Variants in CHST1 observed in about 807,000 individuals in gnomAD.
The protein encoded by CHST1 is Keratan sulfotransferase.
CHST1 carries 10 observed loss-of-function variants against 22.5 expected under a neutral mutation model. The observed-to-expected ratio is 0.44, with a 90% CI of 0.27 to 0.75. The LOEUF is 0.75. Ranked by LOEUF, CHST1 falls within the 30% of genes least tolerant of loss-of-function variation. The pLI is 0.15. For synonymous variants in CHST1, 267 were observed against 264.5 expected (o/e 1.01, Z -0.09); for missense variants, 439 against 576.1 (o/e 0.76, Z 2.44).
intron 3 of CHST1, chr11:45,651,720 C>G (rs1327347604): frequency 6.6e-6 from 1 of 152,288 alleles, no homozygotes; most frequent in Admixed American, 6.5e-5. Context: ...GTGACATAAT[C>G]CCCACTGACA....
At position 45,650,783 on chromosome 11, in the gene CHST1, G is replaced by C; in HGVS notation, c.141C>G (p.Cys47Trp). 6.2e-7 allele frequency: 1 copy of C among 1,613,828 alleles called. No individual in the cohort carries two copies. Among genetic ancestry groups the C allele is most frequent in the Non-Finnish European group, 8.5e-7 (1 of 1,179,880 alleles). ...LAEAGLAERL[C>W]EESPTFAYNL... The stretch of plus-strand genomic sequence containing the variant: ...TGTAGGCGAAGGTGGGGCTCTCCTC[G>C]CACAGTCGCTCGGCCAGCCCGGCCT... Residue 47 changes from cysteine to tryptophan, a missense_variant, in exon 4 of 4, where the codon TGC becomes TGG. By Grantham distance (215) the Cys-to-Trp change is radical. Transcript: ENST00000308064.
chr11:45,660,932 A>C (rs1286818894), intron 1 of CHST1, among the ~76,000 whole-genome samples: 2 of 152,210 alleles, frequency 1.3e-5, no homozygotes, highest in East Asian at 3.9e-4. Flanking sequence ...TCCAGCTCTA[A>C]TCAAGGAGCA....
At position 45,650,950 on chromosome 11, in the gene CHST1, C is replaced by T. The variant is rs1295339142; in HGVS notation, c.-27G>A. 1.3e-6 allele frequency: 2 copies of T among 1,518,764 alleles called. No homozygotes were observed. The highest frequency in any genetic ancestry group is 4.5e-5 in the East Asian group (2 of 44,010). The allele number at this position is 1,518,764 out of a possible 1,614,324, so 94.1% of individuals were successfully genotyped here. A position where few individuals can be genotyped will look rare whatever the true frequency, so the allele number is the denominator to read the frequency against. The stretch of plus-strand genomic sequence containing the variant: ...GCTGGGCACCTTCATGGGGCTGCTT[C>T]TCCAAGGGGTGAGGTCTGTGGGCAA... On this transcript the variant is annotated 5_prime_UTR_variant, in exon 4 of 4. Transcript: ENST00000308064.
In CHST1 at chr11:45,649,645, A is replaced by C; in HGVS notation, c.*43T>G. The C allele has an allele frequency of 1.3e-6, 2 of 1,504,668 alleles. No individual in the cohort carries two copies. Among genetic ancestry groups the C allele is most frequent in the Non-Finnish European group, 1.8e-6 (2 of 1,134,640 alleles). 93.2% of individuals were successfully genotyped at this position (1,504,668 alleles called of 1,614,324 possible). A position where few individuals can be genotyped will look rare whatever the true frequency, so the allele number is the denominator to read the frequency against. On this transcript the variant is annotated 3_prime_UTR_variant, in exon 4 of 4. Coordinates refer to ENST00000308064, the MANE Select transcript of CHST1 (RefSeq NM_003654.6). The stretch of plus-strand genomic sequence containing the variant: ...AGTTAAAAACGGTCCATTTTATCAA[A>C]ACCGACACCTTGCGCCTCCCGCCCC...
At chr11:45,652,721 A>G (rs928074359) in intron 1 of CHST1, 115 bp from the exon 2 acceptor site, 1 of 152,270 alleles carries the variant, frequency 6.6e-6, no homozygotes, top group Non-Finnish European at 1.5e-5. Context: ...TTTTGCGCCA[A>G]GCCCCTTCCC....
rs1172271019 is a variant in CHST1, at chr11:45,649,688, TCACGA to T, written c.1231_1235del (p.Ser411ThrfsTer16). The T allele has an allele frequency of 6.4e-7, 1 of 1,558,532 alleles. No homozygotes were observed. The highest frequency in any genetic ancestry group is 2.3e-5 in the East Asian group (1 of 44,320). ...CCCGCCCCCACCCGCACCGCCCGGG[TCACGA>T]GAAGGGGCGGAAGTCCCGCTCCTCC... On this transcript the variant is annotated frameshift_variant and stop_lost, in exon 4 of 4. Coordinates refer to ENST00000308064, the MANE Select transcript of CHST1 (RefSeq NM_003654.6). LOFTEE classifies it high-confidence loss of function.
intron 1 of CHST1, among the ~76,000 whole-genome samples, chr11:45,661,164 T>C (rs1232691993): frequency 6.6e-6 from 1 of 152,192 alleles, no homozygotes; most frequent in African/African-American, 2.4e-5. Context: ...ACAAAATTAA[T>C]TCAAACAGAC....
chr11:45,649,948 T>C lies in CHST1; in HGVS notation c.976A>G (p.Ser326Gly). ...IYGFLGIPLD[S>G]HVARWIQNNT... is the part of the protein sequence containing the mutation. ...TTCTGGATCCAGCGGGCCACGTGGC[T>C]GTCCAGCGGGATGCCCAGGAACCCG... The change falls in exon 4 of 4, where the codon AGC becomes GGC. Residue 326 changes from serine to glycine, a missense_variant. Ser to Gly is a moderately conservative substitution (Grantham distance 56, BLOSUM62 0). Coordinates refer to ENST00000308064, the MANE Select transcript of CHST1 (RefSeq NM_003654.6). 6.2e-7 allele frequency: 1 copy of C among 1,613,518 alleles called. No individual in the cohort carries two copies. Among genetic ancestry groups the C allele is most frequent in the South Asian group, 1.1e-5 (1 of 91,092 alleles).
chr11:45,652,350 C>G (rs759394167), intron 2 of CHST1, 171 bp downstream of exon 2: 3 of 152,368 alleles, frequency 2.0e-5, no homozygotes, highest in Non-Finnish European at 2.9e-5. Flanking sequence ...CCACCACATT[C>G]TTCTAATAAA....
rs1851934563 is a variant in CHST1 at position 45,647,761 on chromosome 11, CTGTTA to C, written c.*1922_*1926del. Among the ~76,000 whole-genome samples, 2 of 152,300 alleles carry C rather than the reference CTGTTA, an allele frequency of 1.3e-5. No individual in the cohort carries two copies. The highest frequency in any genetic ancestry group is 4.1e-4 in the South Asian group (2 of 4,824). Reference sequence around the variant, plus strand: ...AGGTTAAGATGGTAAATTTTACATTCTGTTATTTTACCCCAGTAAAATTTTTTACA... The same window carrying C: ...AGGTTAAGATGGTAAATTTTACATTCTTTTACCCCAGTAAAATTTTTTACA... On this transcript the variant is annotated 3_prime_UTR_variant, in exon 4 of 4. Coordinates refer to ENST00000308064, the MANE Select transcript of CHST1 (RefSeq NM_003654.6).
At chr11:45,659,652 A>G (rs1852104921) in intron 1 of CHST1, among the ~76,000 whole-genome samples, 1 of 152,106 alleles carries the variant, frequency 6.6e-6, no homozygotes, top group Non-Finnish European at 1.5e-5. Flanking sequence ...TGGACATGGG[A>G]CTGCTGCACC....
rs537012213 is a variant in CHST1, at chr11:45,658,695, T to C, written c.-226-6089A>G. Among the ~76,000 whole-genome samples, 19 of 151,810 alleles carry C rather than the reference T, an allele frequency of 1.3e-4. No individual in the cohort carries two copies. The South Asian group carries it at 3.3e-3, about 27-fold the overall frequency. On this transcript the variant is annotated intron_variant, in intron 1 of 3. Transcript: ENST00000308064. Reference sequence around the variant, plus strand: ...TCTGGGGGAGGGATGAGTCAGAAGGTCCCGGTTCCCTGTCTCAGGCCAGTC... The same window carrying C: ...TCTGGGGGAGGGATGAGTCAGAAGGCCCCGGTTCCCTGTCTCAGGCCAGTC...
rs1851951178 is a variant in CHST1, at chr11:45,648,883, T to C, written c.*805A>G. ...TCCTGCAATCACACACAGAGATTAT[T>C]GCACTCTTTTATTTACAGAAAACAC... On this transcript the variant is annotated 3_prime_UTR_variant, in exon 4 of 4. Transcript: ENST00000308064. 1 of 152,602 alleles carries C rather than the reference T, an allele frequency of 6.6e-6. No individual in the cohort carries two copies. Among genetic ancestry groups the C allele is most frequent in the Non-Finnish European group, 1.5e-5 (1 of 68,032 alleles). The allele number at this position is 152,602 out of a possible 1,614,324, so 9.5% of individuals were successfully genotyped here.
At chr11:45,663,568 G>T (rs1278154346) in intron 1 of CHST1, among the ~76,000 whole-genome samples, 1 of 152,176 alleles carries the variant, frequency 6.6e-6, no homozygotes, top group African/African-American at 2.4e-5. Flanking sequence ...GAAGCCGGGT[G>T]TTGAGTGAAG....
In CHST1 at chr11:45,650,561, G is replaced by A. The variant is rs1406484492; in HGVS notation, c.363C>T (p.Arg121=). ...AGTCGTAGAGGCTCCGCAGGAGGTCGCGGCTGGCGCCTAGCATGACCCGCC... is the reference window on the plus strand; with the variant it reads ...AGTCGTAGAGGCTCCGCAGGAGGTCACGGCTGGCGCCTAGCATGACCCGCC... ...ADRRVMLGAS[R]DLLRSLYDCD... is the part of the protein sequence containing the mutation. The change falls in exon 4 of 4, where the codon CGC becomes CGT. Residue 121 remains arginine, a synonymous_variant. Coordinates refer to ENST00000308064, the MANE Select transcript of CHST1 (RefSeq NM_003654.6). 2 of 1,613,884 alleles carry A rather than the reference G, an allele frequency of 1.2e-6. No homozygotes were observed. The highest frequency in any genetic ancestry group is 1.7e-6 in the Non-Finnish European group (2 of 1,179,974).
At position 45,649,490 on chromosome 11, in the gene CHST1, G is replaced by GC. The variant is rs1183050357; in HGVS notation, c.*197dup. ...CGGGACCCTACTTCAGGCGCCCTCT[G>GC]CCCCAGTGATTCCCGTCCAAGACGT... is the stretch of plus-strand genomic sequence containing the variant. On this transcript the variant is annotated 3_prime_UTR_variant, in exon 4 of 4. Transcript: ENST00000308064. The GC allele has an allele frequency of 2.2e-5, 13 of 595,708 alleles. No homozygotes were observed. The East Asian group carries it at 3.5e-4, about 16-fold the overall frequency. The allele number at this position is 595,708 out of a possible 1,614,324, so 36.9% of individuals were successfully genotyped here. A position where few individuals can be genotyped will look rare whatever the true frequency, so the allele number is the denominator to read the frequency against.
At chr11:45,658,784 G>A (rs368979852) in intron 1 of CHST1, among the ~76,000 whole-genome samples, 5 of 147,164 alleles carry the variant, frequency 3.4e-5, no homozygotes, top group Non-Finnish European at 1.5e-5. Flanking sequence ...GAAAAGCCCC[G>A]GTTTCCTGTC....
chr11:45,653,432 T>C (rs1173974422), intron 1 of CHST1, among the ~76,000 whole-genome samples: 1 of 152,090 alleles, frequency 6.6e-6, no homozygotes, highest in African/African-American at 2.4e-5. Context: ...CCACACTGCA[T>C]CCCACCCCGA....
At chr11:45,659,100 G>A (rs1435634072) in intron 1 of CHST1, among the ~76,000 whole-genome samples, 1 of 152,178 alleles carries the variant, frequency 6.6e-6, no homozygotes, top group South Asian at 2.1e-4. Context: ...GGCTGCCGAC[G>A]TGGATACTCA....
Sources: allele counts gnomAD v4.1 joint callset (sites outside exome capture counted in the v4.1 genomes callset), GRCh38; gene constraint gnomAD v4.1.1; transcripts MANE v1.5; gene names NCBI Gene and HGNC (gene_info 2026-07-23, HGNC 2026-07-21).